The following BARX2 variants were observed in gnomAD, a reference collection of about 807,000 sequenced individuals.
The protein encoded by BARX2 is BARX homeobox 2, also known as homeobox protein BarH-like 2.
BARX2 carries 11 observed loss-of-function variants against 25.5 expected under a neutral mutation model. That is an observed-to-expected ratio of 0.43 (90% CI 0.27 to 0.71). The LOEUF (loss-of-function observed/expected upper bound fraction) is 0.71. Ranked by LOEUF, BARX2 falls within the 30% of genes least tolerant of loss-of-function variation. BARX2 has a pLI of 0.19. For synonymous variants in BARX2, 137 were observed against 149.5 expected (o/e 0.92, Z 0.61); for missense variants, 360 against 359.9 (o/e 1.00, Z 0.00).
At chr11:129,388,786 T>C (rs980195171) in intron 1 of BARX2, among the ~76,000 whole-genome samples, 3 of 152,180 alleles carry the variant, frequency 2.0e-5, no homozygotes, top group Non-Finnish European at 2.9e-5. Context: ...AGCTTAAATA[T>C]GAGATTGATG....
chr11:129,378,563 CTTTT>C (rs56804728), intron 1 of BARX2, among the ~76,000 whole-genome samples: 11 of 111,198 alleles, frequency 9.9e-5, no homozygotes, highest in East Asian at 2.5e-4. Flanking sequence ...TTTTCTTTTT[CTTTT>C]TTTTTTTTTT....
At chr11:129,413,146 C>T (rs1011591525) in intron 1 of BARX2, among the ~76,000 whole-genome samples, 2 of 152,210 alleles carry the variant, frequency 1.3e-5, no homozygotes, top group African/African-American at 4.8e-5. Flanking sequence ...GTACATGCTA[C>T]TTCCCAGGCA....
chr11:129,443,053 C>T (rs1363068329), intron 3 of BARX2, 134 bp downstream of exon 3: 31 of 722,826 alleles, frequency 4.3e-5, no homozygotes, highest in South Asian at 2.2e-4. Flanking sequence ...TGCTGGCTTG[C>T]GGGGAAGCTG....
intron 1 of BARX2, among the ~76,000 whole-genome samples, chr11:129,414,994 G>A (rs534180958): frequency 1.3e-5 from 2 of 152,242 alleles, no homozygotes; most frequent in East Asian, 1.9e-4. Context: ...GGTAAGTAGT[G>A]CAATATTGCT....
chr11:129,440,935 C>T (rs1223803611), intron 2 of BARX2, among the ~76,000 whole-genome samples: 1 of 152,214 alleles, frequency 6.6e-6, no homozygotes, highest in Non-Finnish European at 1.5e-5. Flanking sequence ...TGCCCAAGCT[C>T]TGTCAGGGGT....
upstream of BARX2, among the ~76,000 whole-genome samples, chr11:129,375,234 A>T (rs1861487295): frequency 6.6e-6 from 1 of 152,084 alleles, no homozygotes; most frequent in African/African-American, 2.4e-5. The surrounding 1 kb of genome is among the most constrained non-coding windows in gnomAD (Gnocchi z 4.0). Context: ...GCGCAGGCTC[A>T]GCGCGGGCTG....
chr11:129,412,583 A>G (rs1159062980), intron 1 of BARX2, among the ~76,000 whole-genome samples: 2 of 152,248 alleles, frequency 1.3e-5, no homozygotes, highest in Non-Finnish European at 2.9e-5. Flanking sequence ...CCCACTTTTA[A>G]TTATATGCAA....
intron 1 of BARX2, among the ~76,000 whole-genome samples, chr11:129,424,345 G>A (rs1439306884): frequency 3.3e-5 from 5 of 152,238 alleles, no homozygotes; most frequent in South Asian, 2.1e-4. Flanking sequence ...ACATTCCCAC[G>A]TTGCAGACAT....
At chr11:129,430,837 T>C (rs1422953013) in intron 1 of BARX2, among the ~76,000 whole-genome samples, 1 of 152,162 alleles carries the variant, frequency 6.6e-6, no homozygotes, top group Non-Finnish European at 1.5e-5. Context: ...CATTTGAGAT[T>C]CATCCACTAT....
At chr11:129,416,298 G>T (rs1019917738) in intron 1 of BARX2, among the ~76,000 whole-genome samples, 4 of 152,200 alleles carry the variant, frequency 2.6e-5, no homozygotes, top group African/African-American at 4.8e-5. Context: ...GAGTGAGGAG[G>T]GTGTGGCTAG....
chr11:129,439,286 T>A (rs1265338076), intron 2 of BARX2, among the ~76,000 whole-genome samples: 3 of 152,036 alleles, frequency 2.0e-5, no homozygotes, highest in African/African-American at 4.8e-5. Flanking sequence ...CAATTTTTTT[T>A]TTATTATTAT....
chr11:129,433,399 T>C (rs1308051644), intron 1 of BARX2, among the ~76,000 whole-genome samples: 1 of 152,214 alleles, frequency 6.6e-6, no homozygotes, highest in Non-Finnish European at 1.5e-5. Context: ...TTAGGGATCA[T>C]TTAAGACATC....
intron 1 of BARX2, among the ~76,000 whole-genome samples, chr11:129,435,964 C>T (rs1862183702): frequency 6.6e-6 from 1 of 152,218 alleles, no homozygotes; most frequent in African/African-American, 2.4e-5. Flanking sequence ...ACCTTTTCCT[C>T]AGCCAAGCTC....
chr11:129,422,406 C>T (rs972203978), intron 1 of BARX2, among the ~76,000 whole-genome samples: 1 of 152,180 alleles, frequency 6.6e-6, no homozygotes, highest in African/African-American at 2.4e-5. Flanking sequence ...TCAAGTGATC[C>T]TCCTGCCTCA....
At chr11:129,434,293 G>A (rs866706479) in intron 1 of BARX2, among the ~76,000 whole-genome samples, 1 of 148,328 alleles carries the variant, frequency 6.7e-6, no homozygotes, top group African/African-American at 2.5e-5. Context: ...GACTGGGCAC[G>A]ATGGCTCACA....
At chr11:129,407,518 G>A (rs964611052) in intron 1 of BARX2, among the ~76,000 whole-genome samples, 12 of 152,138 alleles carry the variant, frequency 7.9e-5, no homozygotes, top group Non-Finnish European at 1.5e-4. Flanking sequence ...CACTTCTGTT[G>A]AGACTTGCGC....
At chr11:129,385,592 C>G (rs931891189) in intron 1 of BARX2, among the ~76,000 whole-genome samples, 7 of 152,122 alleles carry the variant, frequency 4.6e-5, no homozygotes, top group African/African-American at 1.7e-4. Context: ...AAGGCACAAA[C>G]TAATACTACA....
Position 129,436,966 on chromosome 11 carries a change from C to T in BARX2, c.403C>T (p.Arg135Trp), listed in dbSNP as rs376412759. Residue 135 changes from arginine to tryptophan, a missense_variant, in exon 2 of 4, where the codon CGG becomes TGG. Physicochemically the swap from Arg to Trp is moderately radical, Grantham distance 101. Around this residue, in one of 3 missense-constraint regions of BARX2, gnomAD observed 240 missense variants for 228.7 expected, o/e 1.05. Transcript: ENST00000281437. The surrounding 1 kb of genome is among the most constrained non-coding windows in gnomAD (Gnocchi z 4.5). ...CACGCCCCGACAGAAGAAGCCCCGC[C>T]GGAGTCGCACCATCTTCACCGAGCT... ...QPTPRQKKPR[R>W]SRTIFTELQL... 31 of 1,611,182 alleles carry T rather than the reference C, an allele frequency of 1.9e-5. No individual in the cohort carries two copies. The highest frequency in any genetic ancestry group is 2.7e-5 in the African/African-American group (2 of 74,896).
rs566408510 is a variant in BARX2, at chr11:129,418,684, G to T, written c.188-18067G>T. 2.6e-5 allele frequency among the ~76,000 whole-genome samples: 4 copies of T among 152,178 alleles called. No individual in the cohort carries two copies. In the South Asian group the frequency reaches 6.2e-4, roughly 24 times the overall value. ...CGAATGAAAACATATCCTTTATACT[G>T]CCTTTTTCTTTTGGGAATTGGGTAC... On this transcript the variant is annotated intron_variant, in intron 1 of 3. Coordinates refer to ENST00000281437, the MANE Select transcript of BARX2 (RefSeq NM_003658.5).
Sources: gnomAD v4.1 joint callset for allele counts (sites outside exome capture counted in the v4.1 genomes callset) on GRCh38, gnomAD v4.1.1 for gene constraint, gnomAD v4.1.1 regional missense constraint, Gnocchi (gnomAD v3.1) non-coding constraint, MANE v1.5 for transcripts, NCBI Gene and HGNC (gene_info 2026-07-23, HGNC 2026-07-21) for gene names.